CEP164: variants seen among roughly 807,000 people sequenced by gnomAD.
The protein encoded by CEP164 is centrosomal protein of 164 kDa.
A neutral mutation model predicts 182.7 loss-of-function variants in CEP164; 162 were observed. That is an observed-to-expected ratio of 0.89 (90% CI 0.78 to 1.01). CEP164 has a LOEUF of 1.01. Among genes scored for constraint, CEP164 ranks in the 50% least tolerant of loss-of-function variants. The pLI, the probability that CEP164 is intolerant of heterozygous loss-of-function variation, is 0.00. For missense variants in CEP164, 1,735 were observed against 1,790.4 expected (o/e 0.97, Z 0.56); for synonymous variants, 661 against 690.0 (o/e 0.96, Z 0.66).
rs981960517 is a variant in CEP164, at chr11:117,410,907, G to C, written c.4163+13G>C. The C allele has an allele frequency of 2.5e-6, 4 of 1,611,012 alleles. No individual in the cohort carries two copies. The highest frequency in any genetic ancestry group is 3.3e-5 in the Admixed American group (2 of 59,742). ...ACATGTCTGCCAGGTGAGCCTCCCT[G>C]GGGGCTGGTTGGGGTGGAACGTCAT... On this transcript the variant is annotated intron_variant, in intron 31 of 32. Transcript: ENST00000278935.
intron 2 of CEP164, among the ~76,000 whole-genome samples, chr11:117,336,995 G>A (rs2037248716): frequency 6.6e-6 from 1 of 152,080 alleles, no homozygotes. Context: ...GAAGAGAGGA[G>A]CAATTCTAGA....
chr11:117,408,939 C>A lies in CEP164; in HGVS notation c.3659C>A (p.Thr1220Asn). The change falls in exon 29 of 33, where the codon ACC becomes AAC. Residue 1220 changes from threonine to asparagine, a missense_variant. By Grantham distance (65) the Thr-to-Asn change is moderately conservative. Transcript: ENST00000278935. ...LGGSPTKKAVTFDLSDMDSLS... is the reference protein window; with the variant it reads ...LGGSPTKKAVNFDLSDMDSLS... Reference sequence around the variant, plus strand: ...GGATCCCCCACCAAGAAGGCAGTAACCTTCGACCTCAGTGACATGGACAGC... The same window carrying A: ...GGATCCCCCACCAAGAAGGCAGTAAACTTCGACCTCAGTGACATGGACAGC... The A allele has an allele frequency of 6.2e-7, 1 of 1,614,128 alleles. No individual in the cohort carries two copies. The highest frequency in any genetic ancestry group is 8.5e-7 in the Non-Finnish European group (1 of 1,180,028).
intron 3 of CEP164, among the ~76,000 whole-genome samples, chr11:117,339,619 C>G (rs2037797519): frequency 6.7e-6 from 1 of 149,476 alleles, no homozygotes; most frequent in Non-Finnish European, 1.5e-5. Context: ...ACCTCTCTCT[C>G]CCGGGTTCAA....
intron 27 of CEP164, among the ~76,000 whole-genome samples, chr11:117,405,282 G>A (rs1488104585): frequency 1.3e-5 from 2 of 152,212 alleles, no homozygotes; most frequent in South Asian, 2.1e-4. Context: ...CCCTGGTGGT[G>A]TAGGCACCCG....
intron 5 of CEP164, among the ~76,000 whole-genome samples, chr11:117,354,778 A>T (rs1056257823): frequency 6.8e-6 from 1 of 148,106 alleles, no homozygotes; most frequent in South Asian, 2.1e-4. Context: ...TTATTTATTT[A>T]TTTATTTATT....
At chr11:117,377,360 C>T (rs2042864265) in intron 11 of CEP164, among the ~76,000 whole-genome samples, 1 of 152,238 alleles carries the variant, frequency 6.6e-6, no homozygotes, top group South Asian at 2.1e-4. Context: ...CCACTGTTCA[C>T]CCCCTGCTCT....
intron 24 of CEP164, 80 bp from the exon 25 acceptor site, chr11:117,395,974 G>A (rs2045389020): frequency 1.3e-6 from 2 of 1,575,314 alleles, no homozygotes; most frequent in South Asian, 1.2e-5. Flanking sequence ...GTGAGGGGGT[G>A]GAGATGGTTC....
intron 13 of CEP164, 130 bp from the exon 14 acceptor site, chr11:117,382,665 AC>A (rs2043469615): frequency 9.3e-7 from 1 of 1,077,326 alleles, no homozygotes; most frequent in African/African-American, 1.6e-5. Context: ...GAGGTCTAAG[AC>A]CCGAGGTAGG....
chr11:117,365,390 C>T (rs1294922618), intron 8 of CEP164, among the ~76,000 whole-genome samples: 1 of 152,170 alleles, frequency 6.6e-6, no homozygotes, highest in African/African-American at 2.4e-5. Flanking sequence ...TTTTTTTCTT[C>T]ACTTGGCTTT....
chr11:117,363,411 C>T lies in CEP164; in HGVS notation c.688-18C>T. 7 of 1,598,962 alleles carry T rather than the reference C, an allele frequency of 4.4e-6. No individual in the cohort carries two copies. Among genetic ancestry groups the T allele is most frequent in the Non-Finnish European group, 6.0e-6 (7 of 1,166,306 alleles). On this transcript the variant is annotated intron_variant, in intron 7 of 32. Transcript: ENST00000278935. ...CAGTTTCTTCAGAGTTACCACTTGTCATCATTTTTGTTTCTAGAGTGTCCA... is the reference window on the plus strand; with the variant it reads ...CAGTTTCTTCAGAGTTACCACTTGTTATCATTTTTGTTTCTAGAGTGTCCA...
chr11:117,331,832 G>A lies in CEP164; in HGVS notation c.-97-3773G>A, dbSNP rs1320875134. Among the ~76,000 whole-genome samples the A allele has an allele frequency of 4.0e-5, 6 of 150,582 alleles. No individual in the cohort carries two copies. The East Asian group carries it at 9.8e-4, about 25-fold the overall frequency. On this transcript the variant is annotated intron_variant, in intron 1 of 32. Coordinates refer to ENST00000278935, the MANE Select transcript of CEP164 (RefSeq NM_014956.5). The stretch of plus-strand genomic sequence containing the variant: ...TACAATCATAGCTCACTGCAGCCTC[G>A]AACTCCTGGTCTCAAGTGATCCTCC...
intron 13 of CEP164, among the ~76,000 whole-genome samples, chr11:117,382,518 G>A (rs577811200): frequency 6.6e-6 from 1 of 152,308 alleles, no homozygotes; most frequent in African/African-American, 2.4e-5. Context: ...CAGCATCGAT[G>A]TGCAATCAAC....
rs2044897186 is a variant in CEP164 at position 117,393,071 on chromosome 11, TGAA to T, written c.2563_2565del (p.Lys855del). ...GAGCATGAGAGGAGGTTGGACAAGA[TGAA>T]GGAGGAGCACCAGCAAGTGATGGCT... is the stretch of plus-strand genomic sequence containing the variant. On this transcript the variant is annotated inframe_deletion, in exon 20 of 33. Coordinates refer to ENST00000278935, the MANE Select transcript of CEP164 (RefSeq NM_014956.5). 1.9e-6 allele frequency: 3 copies of T among 1,613,752 alleles called. No homozygotes were observed. In the East Asian group the frequency reaches 6.7e-5, roughly 36 times the overall value.
At position 117,362,550 on chromosome 11, in the gene CEP164, G is replaced by C. The variant is rs1049850000; in HGVS notation, c.687+12G>C. 1.2e-6 allele frequency: 2 copies of C among 1,611,366 alleles called. No individual in the cohort carries two copies. Among genetic ancestry groups the C allele is most frequent in the African/African-American group, 2.7e-5 (2 of 74,816 alleles). ...AAAGTGACAACCAGGTAATGATGAA[G>C]TCCTCTCCCTGGCCTGGAAACCCTC... On this transcript the variant is annotated intron_variant, in intron 7 of 32. Transcript: ENST00000278935.
intron 27 of CEP164, among the ~76,000 whole-genome samples, chr11:117,401,968 C>G (rs894120527): frequency 2.6e-5 from 4 of 152,014 alleles, no homozygotes; most frequent in Non-Finnish European, 5.9e-5. Context: ...GTGTCTCTAT[C>G]TCCTTTAATT....
chr11:117,372,056 G>GT (rs2042252014), intron 9 of CEP164, among the ~76,000 whole-genome samples: 1 of 150,612 alleles, frequency 6.6e-6, no homozygotes, highest in Admixed American at 6.6e-5. Context: ...GCCCAGGCTG[G>GT]TCTCTAACTC....
At chr11:117,360,461 C>T (rs555820262) in intron 5 of CEP164, among the ~76,000 whole-genome samples, 3 of 152,262 alleles carry the variant, frequency 2.0e-5, no homozygotes, top group East Asian at 3.9e-4. Context: ...GCCTCCAGCT[C>T]CTGGGCTCAA....
intron 16 of CEP164, 29 bp from the exon 17 acceptor site, chr11:117,390,970 C>T (rs200220507): frequency 1.2e-6 from 2 of 1,614,012 alleles, no homozygotes; most frequent in East Asian, 4.5e-5. Context: ...GGTGCACAGG[C>T]CCGTTACCAT....
At chr11:117,347,125 G>A (rs779553299) in intron 4 of CEP164, among the ~76,000 whole-genome samples, 18 of 152,042 alleles carry the variant, frequency 1.2e-4, no homozygotes, top group Non-Finnish European at 2.1e-4. Flanking sequence ...ATACTTTCCC[G>A]TGTAGAGATG....
Sources: allele counts gnomAD v4.1 joint callset (sites outside exome capture counted in the v4.1 genomes callset), GRCh38; gene constraint gnomAD v4.1.1; transcripts MANE v1.5; gene names NCBI Gene and HGNC (gene_info 2026-07-23, HGNC 2026-07-21).